The following EYS variants were observed in gnomAD, a reference collection of about 807,000 sequenced individuals.
EYS encodes the protein EGF-like photoreceptor maintenance factor.
A neutral mutation model predicts 282.1 loss-of-function variants in EYS; 250 were observed. That is an observed-to-expected ratio of 0.89 (90% CI 0.80 to 0.98). The LOEUF is 0.98. Among genes scored for constraint, EYS ranks in the 50% least tolerant of loss-of-function variants. The pLI, the probability that EYS is intolerant of heterozygous loss-of-function variation, is 0.00. For missense variants in EYS, 4,016 were observed against 3,709.0 expected (o/e 1.08, Z -2.15); for synonymous variants, 1,355 against 1,282.9 (o/e 1.06, Z -1.20).
chr6:65,573,612 G>A (rs576476014), intron 2 of EYS, among the ~76,000 whole-genome samples: 1 of 152,146 alleles, frequency 6.6e-6, no homozygotes, highest in Admixed American at 6.5e-5. Flanking sequence ...CTCCCTGTAA[G>A]TGCCCATGTT....
At position 64,591,169 on chromosome 6, in the gene EYS, G is replaced by A; in HGVS notation, c.4698C>T (p.Ser1566=). 6.4e-7 allele frequency: 1 copy of A among 1,551,292 alleles called. No homozygotes were observed. The highest frequency in any genetic ancestry group is 2.4e-5 in the East Asian group (1 of 40,906). Residue 1566 remains serine (S), a synonymous_variant, in exon 26 of 43, where the codon TCC becomes TCT. Transcript: ENST00000503581. The stretch of plus-strand genomic sequence containing the variant: ...AAACTTGATCTGAGAATTCACGAGA[G>A]GATTTTATTTCAGTCATAGAACATG... ...CATCSMTEIK[S]SREFSDQVLH...
At chr6:65,485,683 T>C (rs2127260058) in intron 5 of EYS, among the ~76,000 whole-genome samples, 1 of 152,258 alleles carries the variant, frequency 6.6e-6, no homozygotes, top group South Asian at 2.1e-4. Flanking sequence ...CATGCACCTA[T>C]AATTCAAGCT....
intron 1 of EYS, among the ~76,000 whole-genome samples, chr6:65,672,210 G>A (rs148020761): frequency 2.5e-4 from 38 of 152,160 alleles, no homozygotes; most frequent in Middle Eastern, 3.4e-3. Context: ...GGGAGGAGCT[G>A]CCTGAAAAAC....
At chr6:63,943,316 T>G (rs1290616395) in intron 35 of EYS, among the ~76,000 whole-genome samples, 2 of 152,344 alleles carry the variant, frequency 1.3e-5, no homozygotes, top group East Asian at 3.9e-4. Context: ...CTAATGGTCT[T>G]ATCCATACAT....
intron 28 of EYS, among the ~76,000 whole-genome samples, chr6:64,396,317 G>T (rs1271928641): frequency 6.6e-6 from 1 of 151,996 alleles, no homozygotes; most frequent in Non-Finnish European, 1.5e-5. Context: ...TTTCTGTTGA[G>T]CATTTAACAA....
At chr6:64,807,767 A>T (rs1365825218) in intron 22 of EYS, among the ~76,000 whole-genome samples, 1 of 152,172 alleles carries the variant, frequency 6.6e-6, no homozygotes, top group Admixed American at 6.5e-5. Flanking sequence ...ATGATATGTT[A>T]CTACACACCT....
At chr6:64,111,497 A>G (rs1026647718) in intron 31 of EYS, among the ~76,000 whole-genome samples, 1 of 151,996 alleles carries the variant, frequency 6.6e-6, no homozygotes, top group Non-Finnish European at 1.5e-5. Flanking sequence ...TCTGAGGGCA[A>G]CAATTTTTTT....
At chr6:64,196,976 G>T (rs1765310503) in intron 31 of EYS, among the ~76,000 whole-genome samples, 1 of 151,498 alleles carries the variant, frequency 6.6e-6, no homozygotes, top group African/African-American at 2.4e-5. Context: ...CTTTACTAGT[G>T]GCACTTTTTT....
At chr6:64,970,506 A>T (rs1346085436) in intron 14 of EYS, among the ~76,000 whole-genome samples, 1 of 152,038 alleles carries the variant, frequency 6.6e-6, no homozygotes, top group African/African-American at 2.4e-5. Flanking sequence ...CCACTGCAAT[A>T]ATTTTATAAC....
At chr6:65,584,500 G>A (rs561357541) in intron 2 of EYS, among the ~76,000 whole-genome samples, 3 of 152,032 alleles carry the variant, frequency 2.0e-5, no homozygotes, top group African/African-American at 7.2e-5. Flanking sequence ...GTAAGGGGCT[G>A]AGATGCCTTT....
At chr6:65,016,216 T>C (rs1386616469) in intron 13 of EYS, among the ~76,000 whole-genome samples, 1 of 151,734 alleles carries the variant, frequency 6.6e-6, no homozygotes, top group African/African-American at 2.4e-5. Context: ...AAAAAAAGTA[T>C]ATATATATTT....
At chr6:63,942,362 G>T (rs1391884220) in intron 35 of EYS, among the ~76,000 whole-genome samples, 1 of 152,186 alleles carries the variant, frequency 6.6e-6, no homozygotes, top group Admixed American at 6.5e-5. Context: ...TCATAAAAGA[G>T]ATTATGGATA....
intron 26 of EYS, among the ~76,000 whole-genome samples, chr6:64,572,262 G>A (rs1449369073): frequency 1.3e-5 from 2 of 152,152 alleles, no homozygotes; most frequent in Non-Finnish European, 2.9e-5. Context: ...ACTAGGTATT[G>A]ATGGAACGTA....
At chr6:65,425,894 TG>T (rs1767641558) in intron 5 of EYS, among the ~76,000 whole-genome samples, 1 of 152,120 alleles carries the variant, frequency 6.6e-6, no homozygotes, top group South Asian at 2.1e-4. Context: ...GTTTTTCAGC[TG>T]TATTTATCCA....
intron 29 of EYS, among the ~76,000 whole-genome samples, chr6:64,380,066 A>G (rs747505675): frequency 6.6e-5 from 10 of 151,866 alleles, no homozygotes; most frequent in Non-Finnish European, 1.2e-4. Flanking sequence ...ATTTATTAAA[A>G]TATAGATTTT....
At chr6:65,087,256 T>A (rs947179851) in intron 12 of EYS, among the ~76,000 whole-genome samples, 4 of 152,142 alleles carry the variant, frequency 2.6e-5, no homozygotes, top group African/African-American at 9.7e-5. Flanking sequence ...TTTCTCCCTT[T>A]TCATTATTGC....
rs940275842 is a variant in EYS at position 64,750,140 on chromosome 6, T to C, written c.3443+63238A>G. Among the ~76,000 whole-genome samples, 7 of 152,058 alleles carry C rather than the reference T, an allele frequency of 4.6e-5. 1 individual carries two copies. Among genetic ancestry groups the C allele is most frequent in the African/African-American group, 1.4e-4 (6 of 41,438 alleles). On this transcript the variant is annotated intron_variant, in intron 22 of 42. Coordinates refer to ENST00000503581, the MANE Select transcript of EYS (RefSeq NM_001142800.2). ...CTTACAAAAAGGTTCCAAAGTAATTTAATACTTTATTATCTAGTTATTTTT... is the reference window on the plus strand; with the variant it reads ...CTTACAAAAAGGTTCCAAAGTAATTCAATACTTTATTATCTAGTTATTTTT...
At chr6:64,399,467 A>G (rs1342701577) in intron 28 of EYS, among the ~76,000 whole-genome samples, 3 of 151,858 alleles carry the variant, frequency 2.0e-5, no homozygotes, top group Non-Finnish European at 4.4e-5. Flanking sequence ...TTGAAATTAT[A>G]GAATCACCAC....
intron 26 of EYS, among the ~76,000 whole-genome samples, chr6:64,569,475 C>G (rs780253351): frequency 6.6e-6 from 1 of 151,892 alleles, no homozygotes. Context: ...GGCGTGGTGG[C>G]TCACGCCTGT....
Sources: allele counts gnomAD v4.1 joint callset (sites outside exome capture counted in the v4.1 genomes callset), GRCh38; gene constraint gnomAD v4.1.1; transcripts MANE v1.5; gene names NCBI Gene and HGNC (gene_info 2026-07-23, HGNC 2026-07-21).